EPG5: variants seen among roughly 807,000 people sequenced by gnomAD.
EPG5 encodes ectopic P-granules 5 autophagy tethering factor.
EPG5 carries 159 observed loss-of-function variants against 302.7 expected under a neutral mutation model. The ratio of observed to expected loss-of-function variants is 0.53; its 90% CI spans 0.46 to 0.60. EPG5 has a LOEUF of 0.60. Ranked by LOEUF, EPG5 falls within the 20% of genes least tolerant of loss-of-function variation. EPG5 has a pLI of 0.00. For synonymous variants in EPG5, 1,158 were observed against 1,136.8 expected, an observed-to-expected ratio of 1.02 and a Z score of -0.37; for missense variants, 2,896 against 3,092.4, an observed-to-expected ratio of 0.94 and a Z score of 1.51.
At chr18:45,811,534 C>T in the EPG5 span, among the ~76,000 whole-genome samples, 1 of 152,054 alleles carries the variant, frequency 6.6e-6, no homozygotes, top group South Asian at 2.1e-4. Flanking sequence ...ACTGGCAAAC[C>T]GAATCCAGCA....
chr18:45,916,143 C>T lies in EPG5; in HGVS notation c.3448G>A (p.Val1150Ile). The part of the protein sequence containing the change: ...VGPVAVLEFW[V>I]QALISQHLWY... ...AGATGCTGGCTTATGAGAGCCTGAA[C>T]CCAGAACTCCAACACAGCAACGGGG... Residue 1150 changes from valine to isoleucine, a missense_variant, in exon 19 of 44, where the codon GTT becomes ATT. Coordinates refer to ENST00000282041, the MANE Select transcript of EPG5 (RefSeq NM_020964.3). 6.2e-7 allele frequency: 1 copy of T among 1,614,078 alleles called. No homozygotes were observed. Among genetic ancestry groups the T allele is most frequent in the Non-Finnish European group, 8.5e-7 (1 of 1,179,996 alleles).
chr18:45,882,143 T>A (rs966273490), intron 31 of EPG5, 131 bp downstream of exon 31: 5 of 799,972 alleles, frequency 6.3e-6, no homozygotes, highest in African/African-American at 3.5e-5. Context: ...GCCCTTTAGA[T>A]GACAATTAGT....
chr18:45,852,646 G>C lies in EPG5; in HGVS notation c.7561C>G (p.Leu2521Val). ...LHLTPKAQQA[L>V]NALESMASSK... ...GATGCCATGGATTCAAGAGCATTCA[G>C]AGCCTAAAAGACACGGAAGATGAGA... The change falls in exon 44 of 44, where the codon CTG becomes GTG. Residue 2521 changes from leucine (L) to valine (V), a missense_variant. Coordinates refer to ENST00000282041, the MANE Select transcript of EPG5 (RefSeq NM_020964.3). 1 of 1,613,734 alleles carries C rather than the reference G, an allele frequency of 6.2e-7. No individual in the cohort carries two copies. The highest frequency in any genetic ancestry group is 8.5e-7 in the Non-Finnish European group (1 of 1,179,836).
chr18:45,942,863 G>A (rs1321713340), intron 9 of EPG5, among the ~76,000 whole-genome samples: 1 of 152,168 alleles, frequency 6.6e-6, no homozygotes. Flanking sequence ...GTAAGAGCCT[G>A]TATTTTCCTA....
intron 34 of EPG5, among the ~76,000 whole-genome samples, chr18:45,877,488 C>T (rs1032498777): frequency 2.0e-5 from 3 of 152,176 alleles, no homozygotes; most frequent in Admixed American, 2.0e-4. Context: ...TCCGTTAATT[C>T]TTACTGGAAA....
At chr18:45,838,150 G>C in the EPG5 span, among the ~76,000 whole-genome samples, 3 of 152,360 alleles carry the variant, frequency 2.0e-5, no homozygotes, top group South Asian at 6.2e-4. Flanking sequence ...CTCTCGTAGA[G>C]TGACTGTCCC....
chr18:45,943,099 G>A (rs1599625379), intron 9 of EPG5, 62 bp downstream of exon 9: 1 of 1,491,160 alleles, frequency 6.7e-7, no homozygotes, highest in East Asian at 2.3e-5. Context: ...TCCCAATTAT[G>A]CAGTATCTGT....
chr18:45,845,587 C>T (rs544886286), downstream of EPG5, among the ~76,000 whole-genome samples: 1 of 152,334 alleles, frequency 6.6e-6, no homozygotes, highest in African/African-American at 2.4e-5. Context: ...GCAACAAAGA[C>T]CAGAGACACG....
At chr18:45,901,437 G>A (rs2049615881) in intron 25 of EPG5, among the ~76,000 whole-genome samples, 2 of 152,158 alleles carry the variant, frequency 1.3e-5, no homozygotes, top group African/African-American at 4.8e-5. Flanking sequence ...ATGCAAGCTT[G>A]AATCAGATGG....
At chr18:45,943,048 C>T (rs554443272) in intron 9 of EPG5, 113 bp downstream of exon 9, 21 of 1,035,252 alleles carry the variant, frequency 2.0e-5, no homozygotes, top group Admixed American at 7.4e-5. Flanking sequence ...TTAACTATTA[C>T]GAGAAATAAG....
the EPG5 span, among the ~76,000 whole-genome samples, chr18:45,802,395 C>T: frequency 3.6e-3 from 552 of 152,254 alleles, 1 homozygote; most frequent in Middle Eastern, 0.014. Flanking sequence ...TGGCATGCAC[C>T]TGTTGTCCCA....
At chr18:45,886,039 T>A (rs573706421) in intron 29 of EPG5, among the ~76,000 whole-genome samples, 81 of 152,356 alleles carry the variant, frequency 5.3e-4, no homozygotes, top group Non-Finnish European at 9.0e-4. Flanking sequence ...GAGTTCCTAA[T>A]GTTGGTTATG....
At chr18:45,838,907 T>C in the EPG5 span, 1 of 1,601,726 alleles carries the variant, frequency 6.2e-7, no homozygotes, top group South Asian at 1.1e-5. Flanking sequence ...CTGCCCGCAC[T>C]GACCCATGAC....
chr18:45,863,698 G>A (rs2048682355), intron 39 of EPG5, among the ~76,000 whole-genome samples: 9 of 152,152 alleles, frequency 5.9e-5, no homozygotes, highest in Admixed American at 5.9e-4. Context: ...TTTTCTCATA[G>A]CACATTGAAG....
chr18:45,814,408 T>C, the EPG5 span, among the ~76,000 whole-genome samples: 1 of 152,168 alleles, frequency 6.6e-6, no homozygotes, highest in Admixed American at 6.6e-5. Context: ...CAACATGGGA[T>C]CAATTTGATC....
At chr18:45,835,296 G>C in the EPG5 span, among the ~76,000 whole-genome samples, 4 of 152,320 alleles carry the variant, frequency 2.6e-5, no homozygotes, top group South Asian at 8.3e-4. Flanking sequence ...GCTTCTCAGA[G>C]ATGGGCATGT....
At chr18:45,943,343 A>G (rs2050712835) in intron 8 of EPG5, 32 bp from the exon 9 acceptor site, 1 of 1,584,232 alleles carries the variant, frequency 6.3e-7, no homozygotes, top group Non-Finnish European at 8.7e-7. Context: ...GAAAAAAATC[A>G]TAGTTACTAT....
the EPG5 span, chr18:45,829,188 G>A: frequency 1.0e-6 from 1 of 980,848 alleles, no homozygotes; most frequent in Non-Finnish European, 1.2e-6. Flanking sequence ...GCTCAGGTAA[G>A]CAGGGCCACA....
At chr18:45,936,871 A>C (rs891554980) in intron 10 of EPG5, among the ~76,000 whole-genome samples, 1 of 152,102 alleles carries the variant, frequency 6.6e-6, no homozygotes, top group African/African-American at 2.4e-5. Context: ...CCAATTACAA[A>C]TTATCTAATT....
Sources: gnomAD v4.1 joint callset for allele counts (sites outside exome capture counted in the v4.1 genomes callset) on GRCh38, gnomAD v4.1.1 for gene constraint, MANE v1.5 for transcripts, NCBI Gene and HGNC (gene_info 2026-07-23, HGNC 2026-07-21) for gene names.